Variants in SNX9 observed in about 807,000 individuals in gnomAD.
SNX9 encodes the protein sorting nexin-9.
Under a neutral mutation model 89.4 loss-of-function variants are expected in SNX9, and 44 were observed. That is an observed-to-expected ratio of 0.49 (90% CI 0.39 to 0.63). SNX9 has a LOEUF of 0.63. Ranked by LOEUF, SNX9 falls within the 30% of genes least tolerant of loss-of-function variation. The pLI, the probability that SNX9 is intolerant of heterozygous loss-of-function variation, is 0.00. For synonymous variants in SNX9, 236 were observed against 247.8 expected, an observed-to-expected ratio of 0.95 and a Z score of 0.45; for missense variants, 578 against 736.1, an observed-to-expected ratio of 0.79 and a Z score of 2.49.
chr6:157,899,588 C>T (rs150882532), intron 5 of SNX9, among the ~76,000 whole-genome samples: 8 of 152,182 alleles, frequency 5.3e-5, no homozygotes, highest in Admixed American at 2.6e-4. Flanking sequence ...CTGGCTAACA[C>T]GGTGAAACCC....
chr6:157,940,075 C>T (rs762801812), intron 16 of SNX9, among the ~76,000 whole-genome samples: 314 of 152,280 alleles, frequency 2.1e-3, no homozygotes, highest in Non-Finnish European at 2.9e-3. Context: ...CTGACAGCGT[C>T]GCTGGTGCTC....
chr6:157,859,259 C>A (rs1190108615), intron 1 of SNX9, among the ~76,000 whole-genome samples: 2 of 152,082 alleles, frequency 1.3e-5, no homozygotes, highest in African/African-American at 4.8e-5. Flanking sequence ...TCTAGGTGAC[C>A]AATTTAAAAT....
chr6:157,877,178 G>A (rs1005423773), intron 4 of SNX9, among the ~76,000 whole-genome samples: 9 of 151,632 alleles, frequency 5.9e-5, no homozygotes, highest in South Asian at 2.1e-4. Context: ...GTTCTGTTAG[G>A]AAATATATTC....
chr6:157,832,092 C>A (rs1781488935), intron 1 of SNX9, among the ~76,000 whole-genome samples: 1 of 152,182 alleles, frequency 6.6e-6, no homozygotes, highest in Non-Finnish European at 1.5e-5. Context: ...AATTTCTAGG[C>A]ATTGTAAATG....
chr6:157,933,563 C>T (rs536904938), intron 13 of SNX9, among the ~76,000 whole-genome samples: 4 of 152,280 alleles, frequency 2.6e-5, no homozygotes, highest in African/African-American at 7.2e-5. Flanking sequence ...AGACCAGAAG[C>T]GGGCTTTGAG....
At chr6:157,872,504 C>T (rs1782432947) in intron 2 of SNX9, 1 of 152,268 alleles carries the variant, frequency 6.6e-6, no homozygotes, top group Non-Finnish European at 1.5e-5. Flanking sequence ...TCACTGGACC[C>T]TGCTGGGGAC....
At chr6:157,900,996 C>CA (rs1183874926) in intron 5 of SNX9, among the ~76,000 whole-genome samples, 1 of 152,136 alleles carries the variant, frequency 6.6e-6, no homozygotes, top group Non-Finnish European at 1.5e-5. Context: ...GACGGTGCCC[C>CA]CATGTGTCTG....
intron 5 of SNX9, among the ~76,000 whole-genome samples, chr6:157,899,759 G>A (rs1317853891): frequency 1.3e-5 from 2 of 152,080 alleles, no homozygotes; most frequent in Non-Finnish European, 2.9e-5. Flanking sequence ...GGCCAACAAA[G>A]CGAGGCTCCG....
intron 4 of SNX9, among the ~76,000 whole-genome samples, chr6:157,889,758 G>A (rs1033528): frequency 0.29 from 43,626 of 152,046 alleles, 7,167 homozygotes; most frequent in African/African-American, 0.45. Flanking sequence ...TAACTGTCTG[G>A]TCTTTTCCTG....
chr6:157,881,225 C>T (rs1446767190), intron 4 of SNX9, among the ~76,000 whole-genome samples: 1 of 152,098 alleles, frequency 6.6e-6, no homozygotes, highest in Non-Finnish European at 1.5e-5. Context: ...ATTATTATAT[C>T]TGTTTTGATG....
rs1316337909 is a variant in SNX9, at chr6:157,896,962, A to G, written c.436A>G (p.Thr146Ala). 6.2e-7 allele frequency: 1 copy of G among 1,611,346 alleles called. No homozygotes were observed. The highest frequency in any genetic ancestry group is 1.1e-5 in the South Asian group (1 of 90,910). Reference sequence around the variant, plus strand: ...CACAAACACTCCCAACAACTGGGACACTGCCTTCGGCCACCCCCAGGCCTA... The same window carrying G: ...CACAAACACTCCCAACAACTGGGACGCTGCCTTCGGCCACCCCCAGGCCTA... ...RNTNTPNNWD[T>A]AFGHPQAYQG... is the part of the protein sequence containing the mutation. Residue 146 changes from threonine to alanine, a missense_variant, in exon 5 of 18, where the codon ACT becomes GCT. By Grantham distance (58) the Thr-to-Ala change is moderately conservative. Around this residue, in one of 2 missense-constraint regions of SNX9, gnomAD observed 230 missense variants for 244.7 expected, o/e 0.94. Transcript: ENST00000392185.
chr6:157,916,518 A>G (rs2115187042), intron 9 of SNX9, among the ~76,000 whole-genome samples: 1 of 152,310 alleles, frequency 6.6e-6, no homozygotes, highest in African/African-American at 2.4e-5. Context: ...CTTAGGGACA[A>G]AGCATTCAGT....
rs1424554384 is a variant in SNX9 at position 157,928,608 on chromosome 6, G to A, written c.1194G>A (p.Lys398=). 2 of 1,608,004 alleles carry A rather than the reference G, an allele frequency of 1.2e-6. No homozygotes were observed. The highest frequency in any genetic ancestry group is 1.7e-6 in the Non-Finnish European group (2 of 1,177,484). The change falls in exon 12 of 18, where the codon AAG becomes AAA. Residue 398 remains lysine, a synonymous_variant. Coordinates refer to ENST00000392185, the MANE Select transcript of SNX9 (RefSeq NM_016224.5). The part of the protein sequence containing the change: ...PDLDLVEIEQ[K]CEAVGKFTKA... The stretch of plus-strand genomic sequence containing the variant: ...CCGCCTTCACCCACAGAGAGCAGAA[G>A]TGCGAGGCTGTGGGGAAGTTCACCA...
At position 157,922,104 on chromosome 6, in the gene SNX9, G is replaced by T. The variant is rs578193353; in HGVS notation, c.1080+443G>T. Among the ~76,000 whole-genome samples, 51 of 152,322 alleles carry T rather than the reference G, an allele frequency of 3.3e-4. 1 individual carries two copies. Among genetic ancestry groups the T allele is most frequent in the Middle Eastern group, 6.8e-3 (2 of 294 alleles). The stretch of plus-strand genomic sequence containing the variant: ...ACATGAGCCGCTCTTCTCAGAGCCA[G>T]GCCATTTTCATCACTGTAATGGTGA... On this transcript the variant is annotated intron_variant, in intron 10 of 17. Transcript: ENST00000392185.
At chr6:157,889,107 G>A (rs1782800072) in intron 4 of SNX9, among the ~76,000 whole-genome samples, 1 of 152,088 alleles carries the variant, frequency 6.6e-6, no homozygotes, top group South Asian at 2.1e-4. Context: ...GCAGTTGAGA[G>A]ACCAAAGGGG....
At chr6:157,894,384 A>G (rs984152370) in intron 4 of SNX9, among the ~76,000 whole-genome samples, 2 of 149,898 alleles carry the variant, frequency 1.3e-5, no homozygotes, top group Non-Finnish European at 3.0e-5. Flanking sequence ...TGGTAGGATT[A>G]TAGGCATGAG....
intron 1 of SNX9, among the ~76,000 whole-genome samples, chr6:157,834,651 T>A (rs1781549712): frequency 6.6e-6 from 1 of 152,098 alleles, no homozygotes; most frequent in Non-Finnish European, 1.5e-5. Flanking sequence ...ACTGTTAGTG[T>A]CCACTTCTTA....
At chr6:157,863,189 GC>G (rs1782182429) in intron 1 of SNX9, among the ~76,000 whole-genome samples, 1 of 152,204 alleles carries the variant, frequency 6.6e-6, no homozygotes, top group Non-Finnish European at 1.5e-5. Context: ...GGGATGTGGG[GC>G]AGACAGAATA....
chr6:157,873,111 G>A lies in SNX9; in HGVS notation c.109G>A (p.Gly37Arg). Reference sequence around the variant, plus strand: ...TTTGGTGACTTATTAGGATGTAGGTGGAGGATGGCTGGAAGGAAGAAACAT... The same window carrying A: ...TTTGGTGACTTATTAGGATGTAGGTAGAGGATGGCTGGAAGGAAGAAACAT... ...IITITNPDVG[G>R]GWLEGRNIKG... Residue 37 changes from glycine (G) to arginine (R), a missense_variant, in exon 3 of 18, where the codon GGA (glycine) becomes AGA (arginine). This residue lies in a region of SNX9 where 230 missense variants were observed against 244.7 expected (regional missense o/e 0.94). Coordinates refer to ENST00000392185, the MANE Select transcript of SNX9 (RefSeq NM_016224.5). 6.3e-7 allele frequency: 1 copy of A among 1,593,654 alleles called. No individual in the cohort carries two copies. Among genetic ancestry groups the A allele is most frequent in the South Asian group, 1.1e-5 (1 of 87,720 alleles).
Sources: allele counts gnomAD v4.1 joint callset (sites outside exome capture counted in the v4.1 genomes callset), GRCh38; gene constraint gnomAD v4.1.1; regional missense constraint gnomAD v4.1.1; transcripts MANE v1.5; gene names NCBI Gene and HGNC (gene_info 2026-07-23, HGNC 2026-07-21).